Variants in GTF2H1 observed in about 807,000 individuals in gnomAD.
GTF2H1 encodes the protein BTF2 p62.
GTF2H1 carries 16 observed loss-of-function variants against 71.2 expected under a neutral mutation model. The observed-to-expected ratio is 0.22, with a 90% CI of 0.15 to 0.34. The LOEUF is 0.34. Among genes scored for constraint, GTF2H1 ranks in the 10% least tolerant of loss-of-function variants. The pLI is 1.00. For synonymous variants in GTF2H1, 215 were observed against 219.0 expected (o/e 0.98, Z 0.16); for missense variants, 498 against 648.2 (o/e 0.77, Z 2.52).
At chr11:18,338,084 A>C in intron 3 of GTF2H1, 25 bp from the exon 4 acceptor site, 1 of 1,541,930 alleles carries the variant, frequency 6.5e-7, no homozygotes, top group Non-Finnish European at 9.0e-7. Flanking sequence ...AAGTTCAGTT[A>C]TATTCAGTAT....
At chr11:18,345,570 C>T (rs2133972966) in intron 7 of GTF2H1, among the ~76,000 whole-genome samples, 1 of 150,386 alleles carries the variant, frequency 6.6e-6, no homozygotes, top group South Asian at 2.1e-4. Context: ...GTGATCTCAG[C>T]TCACTGCAAT....
intron 9 of GTF2H1, among the ~76,000 whole-genome samples, chr11:18,349,054 C>G (rs1865364758): frequency 6.6e-6 from 1 of 152,092 alleles, no homozygotes; most frequent in Non-Finnish European, 1.5e-5. Flanking sequence ...ACCACCATAC[C>G]TAGCTAATTT....
chr11:18,354,752 C>A (rs953385303), intron 11 of GTF2H1, among the ~76,000 whole-genome samples: 1 of 152,142 alleles, frequency 6.6e-6, no homozygotes, highest in African/African-American at 2.4e-5. Context: ...TTTATATCAG[C>A]ATGGATTCAT....
rs754184161 is a variant in GTF2H1, at chr11:18,358,536, A to G, written c.1363A>G (p.Asn455Asp). 1 of 1,597,490 alleles carries G rather than the reference A, an allele frequency of 6.3e-7. No individual in the cohort carries two copies. Residue 455 changes from asparagine to aspartate, a missense_variant, in exon 13 of 15, where the codon AAT (asparagine) becomes GAT (aspartate). Asn to Asp is a conservative substitution (Grantham distance 23). Transcript: ENST00000265963. Reference protein sequence around the residue: ...TQQAINQMVPNDIQSELKHLY... With the variant: ...TQQAINQMVPDDIQSELKHLY... Reference sequence around the variant, plus strand: ...TTCTTCTTTTGCAGAGATGGTGCCAAATGATATTCAATCTGAATTGAAACA... The same window carrying G: ...TTCTTCTTTTGCAGAGATGGTGCCAGATGATATTCAATCTGAATTGAAACA...
At chr11:18,342,927 TG>T (rs1175921152) in intron 7 of GTF2H1, among the ~76,000 whole-genome samples, 1 of 152,154 alleles carries the variant, frequency 6.6e-6, no homozygotes, top group Non-Finnish European at 1.5e-5. Context: ...TGTTTTGTTT[TG>T]TTCTGTTTTT....
At chr11:18,357,037 G>A (rs1590198190) in intron 11 of GTF2H1, among the ~76,000 whole-genome samples, 1 of 152,048 alleles carries the variant, frequency 6.6e-6, no homozygotes, top group Non-Finnish European at 1.5e-5. Flanking sequence ...TAGGAATAAA[G>A]TGAGCTCCAA....
At chr11:18,334,755 G>C (rs1277655472) in intron 2 of GTF2H1, among the ~76,000 whole-genome samples, 2 of 152,140 alleles carry the variant, frequency 1.3e-5, no homozygotes, top group Admixed American at 6.6e-5. Context: ...TTTAAAGAAT[G>C]ATACAGTGAA....
intron 14 of GTF2H1, among the ~76,000 whole-genome samples, chr11:18,363,048 C>G (rs1391325023): frequency 6.6e-6 from 1 of 151,934 alleles, no homozygotes; most frequent in Non-Finnish European, 1.5e-5. Flanking sequence ...TAGCCTAGGC[C>G]TACACAGAGT....
intron 1 of GTF2H1, among the ~76,000 whole-genome samples, chr11:18,330,596 A>G (rs377365544): frequency 4.2e-4 from 64 of 152,328 alleles, no homozygotes; most frequent in African/African-American, 1.4e-3. Context: ...CGGGAGGGCT[A>G]TGTGTCCTGG....
chr11:18,355,165 C>T (rs768867564), intron 11 of GTF2H1, among the ~76,000 whole-genome samples: 20 of 147,450 alleles, frequency 1.4e-4, no homozygotes, highest in Non-Finnish European at 2.2e-4. Context: ...TTTTGTGAGA[C>T]GGAGTCTTGC....
intron 1 of GTF2H1, among the ~76,000 whole-genome samples, chr11:18,329,896 C>T (rs147286251): frequency 3.6e-4 from 55 of 152,280 alleles, no homozygotes; most frequent in African/African-American, 1.3e-3. Flanking sequence ...AAAAGGAGTA[C>T]ATACTGTATG....
At chr11:18,356,787 G>GTTTTTTTT (rs34873148) in intron 11 of GTF2H1, among the ~76,000 whole-genome samples, 1 of 112,988 alleles carries the variant, frequency 8.9e-6, no homozygotes, top group Non-Finnish European at 1.8e-5. Context: ...GTCAATCTTT[G>GTTTTTTTT]TTTTTTTTTT....
At chr11:18,328,529 A>T (rs559281910) in intron 1 of GTF2H1, among the ~76,000 whole-genome samples, 2,258 of 143,114 alleles carry the variant, frequency 0.016, 59 homozygotes, top group African/African-American at 0.056. Flanking sequence ...AAAAAAAAAA[A>T]TTTTATGGAA....
At chr11:18,335,686 T>A in intron 2 of GTF2H1, 68 bp from the exon 3 acceptor site, 1 of 1,116,592 alleles carries the variant, frequency 9.0e-7, no homozygotes, top group Non-Finnish European at 1.3e-6. Flanking sequence ...TTGGGAGAAG[T>A]AACTTACTGT....
chr11:18,365,223 C>A (rs1865793407), intron 14 of GTF2H1, among the ~76,000 whole-genome samples: 2 of 151,774 alleles, frequency 1.3e-5, no homozygotes, highest in Non-Finnish European at 2.9e-5. Context: ...ACTAAAAATA[C>A]AAAAATTAGC....
chr11:18,333,210 A>G lies in GTF2H1; in HGVS notation c.136A>G (p.Met46Val). The change falls in exon 2 of 15, where the codon ATG becomes GTG. Residue 46 changes from methionine (M) to valine (V), a missense_variant. By Grantham distance (21) the Met-to-Val change is conservative (BLOSUM62 1). Around this residue, in one of 3 missense-constraint regions of GTF2H1, gnomAD observed 216 missense variants for 306.2 expected, o/e 0.71. Transcript: ENST00000265963. ...CAAAGATAGATTTACAATCAGCCAT[A>G]TGTATGCAGATATTAAATGTAAGTC... ...EGKDRFTISH[M>V]YADIKCQKIS... is the part of the protein sequence containing the mutation. 6.2e-7 allele frequency: 1 copy of G among 1,611,678 alleles called. No homozygotes were observed. Among genetic ancestry groups the G allele is most frequent in the Non-Finnish European group, 8.5e-7 (1 of 1,178,660 alleles).
At chr11:18,353,315 C>CAGT (rs1244320669) in intron 11 of GTF2H1, among the ~76,000 whole-genome samples, 8 of 152,206 alleles carry the variant, frequency 5.3e-5, no homozygotes, top group African/African-American at 1.7e-4. Context: ...CCCTTCACTG[C>CAGT]AGTAGTCTGA....
At chr11:18,322,800 G>T (rs1345005170) in intron 1 of GTF2H1, 60 bp downstream of exon 1, 1 of 152,338 alleles carries the variant, frequency 6.6e-6, no homozygotes, top group Admixed American at 6.5e-5. Flanking sequence ...GAGCTGACAG[G>T]CCTGGGGGCC....
chr11:18,331,150 C>T lies in GTF2H1; in HGVS notation c.-15-1910C>T, dbSNP rs373540999. On this transcript the variant is annotated intron_variant, in intron 1 of 14. Transcript: ENST00000265963. ...GCAGCCTCTGCCTCCTGGGCTCAAGCGATTCTCCTGATTCTCCCGCTTCAG... is the reference window on the plus strand; with the variant it reads ...GCAGCCTCTGCCTCCTGGGCTCAAGTGATTCTCCTGATTCTCCCGCTTCAG... Among the ~76,000 whole-genome samples, 5 of 152,200 alleles carry T rather than the reference C, an allele frequency of 3.3e-5. No individual in the cohort carries two copies. The South Asian group carries it at 6.2e-4, about 19-fold the overall frequency.
Sources: gnomAD v4.1 joint callset for allele counts (sites outside exome capture counted in the v4.1 genomes callset) on GRCh38, gnomAD v4.1.1 for gene constraint, gnomAD v4.1.1 regional missense constraint, MANE v1.5 for transcripts, NCBI Gene and HGNC (gene_info 2026-07-23, HGNC 2026-07-21) for gene names.